ANTXR1: variants seen among roughly 807,000 people sequenced by gnomAD.
ANTXR1 encodes the protein anthrax toxin receptor 1.
In ANTXR1, 19 loss-of-function variants were observed where a neutral mutation model predicts 78.1. The observed-to-expected ratio is 0.24, with a 90% CI of 0.17 to 0.36. ANTXR1 has a LOEUF of 0.36. ANTXR1 is among the 10% of genes least tolerant of loss of function. The probability of loss-of-function intolerance (pLI) is 1.00; values close to 1 mark genes in which losing one functional copy is unlikely to be tolerated. For synonymous variants in ANTXR1, 273 were observed against 260.5 expected, an observed-to-expected ratio of 1.05 and a Z score of -0.46; for missense variants, 518 against 718.6, an observed-to-expected ratio of 0.72 and a Z score of 3.19.
chr2:69,069,250 G>C (rs765451314), intron 3 of ANTXR1, among the ~76,000 whole-genome samples: 1 of 152,170 alleles, frequency 6.6e-6, no homozygotes, highest in Non-Finnish European at 1.5e-5. Context: ...GAGAGAAAAA[G>C]AGAGTATTTA....
intron 10 of ANTXR1, among the ~76,000 whole-genome samples, chr2:69,112,060 T>G (rs1672001954): frequency 6.6e-6 from 1 of 152,126 alleles, no homozygotes; most frequent in South Asian, 2.1e-4. Context: ...GGTGATGAAA[T>G]GCCATTTTGT....
intron 17 of ANTXR1, among the ~76,000 whole-genome samples, chr2:69,202,224 C>T (rs970880170): frequency 6.6e-5 from 10 of 152,084 alleles, no homozygotes; most frequent in Non-Finnish European, 1.2e-4. Context: ...TAAGAAGGAC[C>T]AGCCAAGAGA....
intron 3 of ANTXR1, among the ~76,000 whole-genome samples, chr2:69,050,509 T>C (rs1279255014): frequency 6.6e-6 from 1 of 151,256 alleles, no homozygotes; most frequent in Non-Finnish European, 1.5e-5. Context: ...ACGGATTACA[T>C]GAGCTTGGAA....
In ANTXR1 at chr2:69,013,629, G is replaced by C. The variant is rs1209338257; in HGVS notation, c.130G>C (p.Asp44His). 1 of 1,554,228 alleles carries C rather than the reference G, an allele frequency of 6.4e-7. No homozygotes were observed. Among genetic ancestry groups the C allele is most frequent in the Non-Finnish European group, 8.7e-7 (1 of 1,148,038 alleles). Residue 44 changes from aspartate to histidine, a missense_variant, in exon 1 of 18, where the codon GAC (aspartate) becomes CAC (histidine). By Grantham distance (81) the Asp-to-His change is moderately conservative. Transcript: ENST00000303714. This position sits in a 1 kb window ranked among gnomAD's most constrained non-coding sequence, Gnocchi z 5.0. ...GGGTCCAGCCTGCTACGGCGGATTT[G>C]ACCTGTACTTCATTTTGGACAAGTA... ...DGGPACYGGF[D>H]LYFILDKSGS...
chr2:69,152,084 CT>C, intron 12 of ANTXR1, 84 bp from the exon 13 acceptor site: 2 of 1,328,008 alleles, frequency 1.5e-6, no homozygotes, highest in Non-Finnish European at 2.2e-6. Flanking sequence ...AGCCTTAAAT[CT>C]GCATATCAGT....
At chr2:69,170,171 T>C (rs1283463738) in intron 13 of ANTXR1, 77 bp from the exon 14 acceptor site, 4 of 1,534,120 alleles carry the variant, frequency 2.6e-6, no homozygotes, top group Non-Finnish European at 3.6e-6. Flanking sequence ...ACCACCACGG[T>C]ACCTCCTGAC....
intron 17 of ANTXR1, among the ~76,000 whole-genome samples, chr2:69,237,864 G>T (rs1459708133): frequency 6.6e-6 from 1 of 152,082 alleles, no homozygotes; most frequent in Non-Finnish European, 1.5e-5. Flanking sequence ...ATATATATGT[G>T]TGTGTGTGCA....
At chr2:69,149,137 AG>A (rs1216364347) in intron 12 of ANTXR1, among the ~76,000 whole-genome samples, 1 of 152,236 alleles carries the variant, frequency 6.6e-6, no homozygotes, top group East Asian at 1.9e-4. Context: ...TTTATCCCAG[AG>A]CAGTCTTCAG....
chr2:69,048,941 A>T (rs1459001587), intron 3 of ANTXR1, among the ~76,000 whole-genome samples: 1 of 152,196 alleles, frequency 6.6e-6, no homozygotes, highest in Non-Finnish European at 1.5e-5. Flanking sequence ...TTTCTTATTT[A>T]GGGATATACC....
intron 1 of ANTXR1, among the ~76,000 whole-genome samples, chr2:69,026,729 G>T (rs926559385): frequency 3.3e-5 from 5 of 152,196 alleles, no homozygotes; most frequent in Non-Finnish European, 5.9e-5. Context: ...GAGCTGAGGG[G>T]CTTAATGGGA....
chr2:69,170,277 C>T lies in ANTXR1; in HGVS notation c.1077C>T (p.Ala359=), dbSNP rs10191967. Residue 359 remains alanine, a synonymous_variant, in exon 14 of 18, where the codon GCC becomes GCT. Transcript: ENST00000303714. The part of the protein sequence containing the change: ...VIIKEVPPPP[A]EESEEEDDDG... ...TCAAGGAGGTCCCTCCACCCCCTGC[C>T]GAGGAGAGTGAGGTAAGTGACCACA... 21 of 1,613,956 alleles carry T rather than the reference C, an allele frequency of 1.3e-5. No homozygotes were observed. The highest frequency in any genetic ancestry group is 1.2e-4 in the Admixed American group (7 of 60,004).
intron 13 of ANTXR1, among the ~76,000 whole-genome samples, chr2:69,161,865 G>C (rs191966149): frequency 2.4e-3 from 371 of 152,228 alleles, no homozygotes; most frequent in Non-Finnish European, 4.3e-3. Context: ...AAAAGGCCAG[G>C]GGGGCAGCAG....
intron 8 of ANTXR1, among the ~76,000 whole-genome samples, chr2:69,080,902 TGACATGAAGAAGCA>T: frequency 6.6e-6 from 1 of 152,122 alleles, no homozygotes; most frequent in Admixed American, 6.5e-5. Context: ...AGGCAGAAGA[TGACATGAAGAAGCA>T]GGCAGAAGCT....
chr2:69,245,241 TCAC>T lies in ANTXR1; in HGVS notation c.1454_1456del (p.Thr485del). Reference sequence around the variant, plus strand: ...CTTTTCTAGGGGCGCTGCATCAACTTCACCAGGGTCAAGAACAACCAGCCAGCC... The same window carrying T: ...CTTTTCTAGGGGCGCTGCATCAACTTCAGGGTCAAGAACAACCAGCCAGCC... On this transcript the variant is annotated inframe_deletion, in exon 18 of 18. Transcript: ENST00000303714. 3 of 1,613,916 alleles carry T rather than the reference TCAC, an allele frequency of 1.9e-6. No individual in the cohort carries two copies. Among genetic ancestry groups the T allele is most frequent in the Non-Finnish European group, 2.5e-6 (3 of 1,179,974 alleles).
chr2:69,066,305 A>AT (rs1346155504), intron 3 of ANTXR1, among the ~76,000 whole-genome samples: 2 of 150,410 alleles, frequency 1.3e-5, no homozygotes, highest in African/African-American at 4.9e-5. Context: ...TCTTTTATTT[A>AT]TTTTTTTAGA....
At chr2:69,122,985 CTCT>C (rs771456314) in intron 10 of ANTXR1, 29 bp from the exon 11 acceptor site, 2 of 1,606,182 alleles carry the variant, frequency 1.2e-6, no homozygotes, top group Admixed American at 1.7e-5. Context: ...ACTCACCTCC[CTCT>C]TCTTAATCCA....
At chr2:69,031,735 G>A (rs1671535370) in intron 1 of ANTXR1, among the ~76,000 whole-genome samples, 1 of 152,180 alleles carries the variant, frequency 6.6e-6, no homozygotes, top group African/African-American at 2.4e-5. Flanking sequence ...AATCCTCCAA[G>A]TTTTGTTCTT....
chr2:69,223,894 A>G (rs1040866894), intron 17 of ANTXR1, among the ~76,000 whole-genome samples: 1 of 152,164 alleles, frequency 6.6e-6, no homozygotes, highest in African/African-American at 2.4e-5. Context: ...ATTTCAGTTA[A>G]CCTTTGGGTA....
intron 16 of ANTXR1, 104 bp from the exon 17 acceptor site, chr2:69,193,231 T>A (rs1558636112): frequency 1.1e-6 from 1 of 882,070 alleles, no homozygotes; most frequent in East Asian, 2.5e-5. Flanking sequence ...GACAGTGTTG[T>A]GTTGTTCACA....
Sources: allele counts gnomAD v4.1 joint callset (sites outside exome capture counted in the v4.1 genomes callset), GRCh38; gene constraint gnomAD v4.1.1; non-coding constraint Gnocchi (gnomAD v3.1); transcripts MANE v1.5; gene names NCBI Gene and HGNC (gene_info 2026-07-23, HGNC 2026-07-21).